Variants in TMPRSS11D observed in about 807,000 individuals in gnomAD.
TMPRSS11D encodes transmembrane serine protease 11D.
TMPRSS11D carries 32 observed loss-of-function variants against 44.4 expected under a neutral mutation model. The observed-to-expected ratio is 0.72, with a 90% CI of 0.54 to 0.97. The LOEUF (loss-of-function observed/expected upper bound fraction) is 0.97, where lower values mean the gene tolerates loss of function less well. Ranked by LOEUF, TMPRSS11D falls within the 50% of genes least tolerant of loss-of-function variation. The pLI is 0.00. For missense variants in TMPRSS11D, 446 were observed against 502.6 expected, an observed-to-expected ratio of 0.89 and a Z score of 1.08; for synonymous variants, 179 against 177.9, an observed-to-expected ratio of 1.01 and a Z score of -0.05.
chr4:67,882,698 A>G (rs533855863), intron 1 of TMPRSS11D, among the ~76,000 whole-genome samples: 52 of 152,284 alleles, frequency 3.4e-4, no homozygotes, highest in Non-Finnish European at 6.6e-4. Context: ...TATTACCCAA[A>G]TAATATTACA....
At chr4:67,862,248 T>C (rs1183573046) in intron 1 of TMPRSS11D, among the ~76,000 whole-genome samples, 1 of 152,162 alleles carries the variant, frequency 6.6e-6, no homozygotes, top group Admixed American at 6.6e-5. Context: ...TTCATAGCTT[T>C]GTAAATTCTG....
At chr4:67,840,014 C>A (rs1188198672) in intron 4 of TMPRSS11D, among the ~76,000 whole-genome samples, 1 of 143,838 alleles carries the variant, frequency 7.0e-6, no homozygotes, top group Non-Finnish European at 1.5e-5. Context: ...CAACAAAGTC[C>A]ATGTGCTGCT....
intron 3 of TMPRSS11D, among the ~76,000 whole-genome samples, chr4:67,847,129 C>T (rs547477957): frequency 6.6e-6 from 1 of 152,308 alleles, no homozygotes; most frequent in South Asian, 2.1e-4. Context: ...GTCTTGAACT[C>T]CTGACCTCAG....
At chr4:67,834,140 G>A (rs548849935) in intron 6 of TMPRSS11D, among the ~76,000 whole-genome samples, 144 of 152,136 alleles carry the variant, frequency 9.5e-4, no homozygotes, top group Non-Finnish European at 1.8e-3. Flanking sequence ...CTCTCAACTC[G>A]CATTCCCATA....
intron 1 of TMPRSS11D, among the ~76,000 whole-genome samples, chr4:67,869,761 A>C (rs1392595786): frequency 6.6e-6 from 1 of 152,254 alleles, no homozygotes; most frequent in Non-Finnish European, 1.5e-5. Flanking sequence ...TTATTTAATA[A>C]GTTGGTAGAA....
Position 67,822,498 on chromosome 4 carries a change from C to T in TMPRSS11D, c.1096G>A (p.Gly366Ser). Residue 366 changes from glycine to serine, a missense_variant and splice_region_variant, in exon 10 of 10, where the codon GGT (glycine) becomes AGT (serine). Physicochemically the swap from Gly to Ser is moderately conservative, Grantham distance 56. Coordinates refer to ENST00000283916, the MANE Select transcript of TMPRSS11D (RefSeq NM_004262.3). ...TGTACTAGTGGGCCACCAGAGTCAC[C>T]CTGTAAAAAAACAGAATGACTGATT... ...VPQGGVDACQ[G>S]DSGGPLVQED... 1 of 1,613,464 alleles carries T rather than the reference C, an allele frequency of 6.2e-7. No homozygotes were observed.
chr4:67,873,662 A>T (rs1030967711), intron 1 of TMPRSS11D, among the ~76,000 whole-genome samples: 6 of 152,136 alleles, frequency 3.9e-5, no homozygotes, highest in Non-Finnish European at 7.3e-5. Context: ...TTAAAATGCA[A>T]ATTTTAAATT....
intron 3 of TMPRSS11D, among the ~76,000 whole-genome samples, chr4:67,853,338 G>A (rs1219671522): frequency 6.6e-6 from 1 of 152,194 alleles, no homozygotes; most frequent in African/African-American, 2.4e-5. Context: ...AGAAAATGTA[G>A]AAATGCTGAT....
chr4:67,869,288 T>C lies in TMPRSS11D; in HGVS notation c.9-9610A>G, dbSNP rs1269498076. Among the ~76,000 whole-genome samples, 8 of 152,014 alleles carry C rather than the reference T, an allele frequency of 5.3e-5. 1 individual carries two copies. The highest frequency in any genetic ancestry group is 1.2e-4 in the Non-Finnish European group (8 of 68,008). On this transcript the variant is annotated intron_variant, in intron 1 of 9. Coordinates refer to ENST00000283916, the MANE Select transcript of TMPRSS11D (RefSeq NM_004262.3). ...ATTTCACTGCCTTTGGATTAAAAAA[T>C]ACAGGCCTACAATATAAATCTCTAG...
At chr4:67,835,888 G>A (rs1718071830) in intron 5 of TMPRSS11D, among the ~76,000 whole-genome samples, 1 of 152,084 alleles carries the variant, frequency 6.6e-6, no homozygotes, top group African/African-American at 2.4e-5. Flanking sequence ...GGGAAATGGA[G>A]GGTGAGCCTG....
At chr4:67,883,301 G>T (rs577100498) in intron 1 of TMPRSS11D, among the ~76,000 whole-genome samples, 1 of 151,934 alleles carries the variant, frequency 6.6e-6, no homozygotes, top group Non-Finnish European at 1.5e-5. Flanking sequence ...AGATGTTAAC[G>T]TGTGACTTGA....
Position 67,822,101 on chromosome 4 carries a change from T to C in TMPRSS11D, c.*236A>G. The C allele has an allele frequency of 2.3e-6, 1 of 434,514 alleles. No homozygotes were observed. Among genetic ancestry groups the C allele is most frequent in the South Asian group, 4.4e-5 (1 of 22,746 alleles). The allele number at this position is 434,514 out of a possible 1,614,324, so 26.9% of individuals were successfully genotyped here. A position where few individuals can be genotyped will look rare whatever the true frequency, so the allele number is the denominator to read the frequency against. On this transcript the variant is annotated 3_prime_UTR_variant, in exon 10 of 10. Coordinates refer to ENST00000283916, the MANE Select transcript of TMPRSS11D (RefSeq NM_004262.3). ...ATTGTTAACTTTGTAATTAGTTTAGTGTGTTTCTTCTGTTACACAGCCACA... is the reference window on the plus strand; with the variant it reads ...ATTGTTAACTTTGTAATTAGTTTAGCGTGTTTCTTCTGTTACACAGCCACA...
intron 1 of TMPRSS11D, among the ~76,000 whole-genome samples, chr4:67,870,813 C>CA (rs11318143): frequency 0.31 from 40,990 of 133,602 alleles, 6,549 homozygotes; most frequent in Middle Eastern, 0.42. Context: ...GACCCTGTCT[C>CA]AAAAAAAAAA....
intron 1 of TMPRSS11D, among the ~76,000 whole-genome samples, chr4:67,872,142 G>A (rs1719074664): frequency 6.6e-6 from 1 of 152,122 alleles, no homozygotes; most frequent in Non-Finnish European, 1.5e-5. Context: ...ATAGAGCCAT[G>A]AAGCCCATAC....
At chr4:67,824,997 C>T (rs1288986978) in intron 9 of TMPRSS11D, among the ~76,000 whole-genome samples, 1 of 152,058 alleles carries the variant, frequency 6.6e-6, no homozygotes, top group African/African-American at 2.4e-5. Context: ...TGATTTTAAT[C>T]ACTTTACAGT....
intron 3 of TMPRSS11D, among the ~76,000 whole-genome samples, chr4:67,844,004 A>T (rs1718298156): frequency 6.6e-6 from 1 of 152,192 alleles, no homozygotes; most frequent in Admixed American, 6.5e-5. Flanking sequence ...CCCAGCAAGG[A>T]TGTTTCTCCT....
chr4:67,867,243 AT>A, intron 1 of TMPRSS11D, among the ~76,000 whole-genome samples: 1 of 152,076 alleles, frequency 6.6e-6, no homozygotes, highest in Non-Finnish European at 1.5e-5. Flanking sequence ...AGGACACCCC[AT>A]TTAATAAATG....
chr4:67,825,857 G>T lies in TMPRSS11D; in HGVS notation c.970C>A (p.Leu324Ile). ...ATTATTCTGACCTGTCCTTGCCTTA[G>T]CTCTGGAACTGTGTGGCCTGTTTGT... ...QEYAGHTVPE[L>I]RQGQVRIISN... The change falls in exon 9 of 10, where the codon CTA becomes ATA. Residue 324 changes from leucine to isoleucine, a missense_variant. By Grantham distance (5) the Leu-to-Ile change is conservative (BLOSUM62 2). Transcript: ENST00000283916. 2 of 1,611,524 alleles carry T rather than the reference G, an allele frequency of 1.2e-6. No individual in the cohort carries two copies. Among genetic ancestry groups the T allele is most frequent in the Non-Finnish European group, 1.7e-6 (2 of 1,178,418 alleles).
intron 3 of TMPRSS11D, among the ~76,000 whole-genome samples, chr4:67,846,638 A>T (rs1025390553): frequency 6.6e-6 from 1 of 152,146 alleles, no homozygotes. Flanking sequence ...TCCATTTTCC[A>T]TGATGTCAAT....
Sources: gnomAD v4.1 joint callset for allele counts (sites outside exome capture counted in the v4.1 genomes callset) on GRCh38, gnomAD v4.1.1 for gene constraint, MANE v1.5 for transcripts, NCBI Gene and HGNC (gene_info 2026-07-23, HGNC 2026-07-21) for gene names.